Variants in MICAL2 observed in about 807,000 individuals in gnomAD.
MICAL2 encodes the protein microtubule associated monooxygenase, calponin and LIM domain containing 2.
A neutral mutation model predicts 127.3 loss-of-function variants in MICAL2; 77 were observed. The observed-to-expected ratio is 0.60, with a 90% CI of 0.50 to 0.73. The LOEUF (loss-of-function observed/expected upper bound fraction) is 0.73, where lower values mean the gene tolerates loss of function less well. MICAL2 is among the 30% of genes least tolerant of loss of function. MICAL2 has a pLI of 0.00. For missense variants in MICAL2, 1,351 were observed against 1,434.4 expected, an observed-to-expected ratio of 0.94 and a Z score of 0.94; for synonymous variants, 570 against 551.1, an observed-to-expected ratio of 1.03 and a Z score of -0.48.
At chr11:12,356,373 G>A (rs1390349942) in intron 34 of MICAL2, among the ~76,000 whole-genome samples, 1 of 152,122 alleles carries the variant, frequency 6.6e-6, no homozygotes, top group Non-Finnish European at 1.5e-5. Context: ...TCTTTGGGAT[G>A]AAAATGTGCA....
chr11:12,355,518 A>G (rs1237353282), intron 34 of MICAL2, among the ~76,000 whole-genome samples: 2 of 152,346 alleles, frequency 1.3e-5, no homozygotes, highest in African/African-American at 2.4e-5. Flanking sequence ...AGATCGATGC[A>G]TGACCTTCCC....
intron 3 of MICAL2, among the ~76,000 whole-genome samples, chr11:12,163,954 G>A (rs1418841111): frequency 1.3e-5 from 2 of 152,066 alleles, no homozygotes; most frequent in Non-Finnish European, 2.9e-5. Flanking sequence ...CAGAGCTCTG[G>A]TTTTTATTAG....
chr11:12,216,198 T>C (rs368747054), intron 7 of MICAL2, 21 bp from the exon 8 acceptor site: 9 of 1,571,010 alleles, frequency 5.7e-6, no homozygotes, highest in Non-Finnish European at 6.1e-6. Flanking sequence ...ACACTGAGCT[T>C]GTGAATGCTT....
rs367659046 is a variant in MICAL2, at chr11:12,209,478, C to T, written c.590-19C>T. 169 of 1,588,276 alleles carry T rather than the reference C, an allele frequency of 1.1e-4. No individual in the cohort carries two copies. The highest frequency in any genetic ancestry group is 1.3e-4 in the Non-Finnish European group (155 of 1,156,608). On this transcript the variant is annotated intron_variant, in intron 5 of 27. Coordinates refer to ENST00000683283, the MANE Select transcript of MICAL2 (RefSeq NM_001282663.2). ...CCCACCTCTCTCTGCCAACTCATCT[C>T]ATTTCTCTGTCCTGGTAGAAATTGG...
rs201474826 is a variant in MICAL2 at position 12,242,345 on chromosome 11, C to T, written c.2469C>T (p.Phe823=). The T allele has an allele frequency of 3.6e-5, 58 of 1,614,122 alleles. 1 individual carries two copies. The Admixed American group carries it at 5.3e-4, about 15-fold the overall frequency. The part of the protein sequence containing the change: ...SDLQLGGTEN[F]ATLPSTRPRA... Reference sequence around the variant, plus strand: ...TACAGCTGGGTGGGACAGAAAATTTCGCTACCCTGCCTTCTACCCGCCCGA... The same window carrying T: ...TACAGCTGGGTGGGACAGAAAATTTTGCTACCCTGCCTTCTACCCGCCCGA... Residue 823 remains phenylalanine, a synonymous_variant, in exon 19 of 28, where the codon TTC becomes TTT. Transcript: ENST00000683283.
At chr11:12,244,171 G>T (rs1484998161) in intron 21 of MICAL2, 59 bp downstream of exon 21, 9 of 1,601,196 alleles carry the variant, frequency 5.6e-6, no homozygotes, top group Admixed American at 1.7e-5. Flanking sequence ...ATGTTCTCAT[G>T]CTCCACTTGA....
intron 15 of MICAL2, among the ~76,000 whole-genome samples, chr11:12,235,844 A>G (rs1293662834): frequency 3.3e-5 from 5 of 152,078 alleles, no homozygotes; most frequent in African/African-American, 1.2e-4. Context: ...TGCAATGGAG[A>G]TCATCCCTGC....
At chr11:12,340,158 C>T (rs1447852174) in intron 32 of MICAL2, among the ~76,000 whole-genome samples, 19 of 151,858 alleles carry the variant, frequency 1.3e-4, no homozygotes, top group Admixed American at 1.2e-3. Flanking sequence ...AAAAAATAAC[C>T]AAAAAAGAAT....
chr11:12,349,471 CA>C (rs150825182), intron 32 of MICAL2, among the ~76,000 whole-genome samples: 4,012 of 152,182 alleles, frequency 0.026, 162 homozygotes, highest in African/African-American at 0.09. Flanking sequence ...AAATGATGAG[CA>C]GCAGCTAGGG....
At chr11:12,278,529 T>C (rs975443407) in intron 1 of MICAL2, among the ~76,000 whole-genome samples, 1 of 152,210 alleles carries the variant, frequency 6.6e-6, no homozygotes, top group African/African-American at 2.4e-5. Context: ...GACTAAAACA[T>C]CATTATGAAA....
At chr11:12,307,357 A>T (rs570556189) in intron 29 of MICAL2, among the ~76,000 whole-genome samples, 2 of 152,310 alleles carry the variant, frequency 1.3e-5, no homozygotes, top group East Asian at 3.9e-4. Flanking sequence ...TGTTTGCAAC[A>T]TTCTTTCCTA....
chr11:12,126,898 G>A (rs1374620729), intron 1 of MICAL2, among the ~76,000 whole-genome samples: 1 of 152,112 alleles, frequency 6.6e-6, no homozygotes, highest in Non-Finnish European at 1.5e-5. Context: ...GGTGGCGGCA[G>A]CAGCAGCATT....
At chr11:12,264,135 G>A (rs867578867), downstream of MICAL2, among the ~76,000 whole-genome samples, 7 of 152,162 alleles carry the variant, frequency 4.6e-5, no homozygotes, top group South Asian at 4.1e-4. Context: ...ACACCCAAGC[G>A]TGGCTCTACA....
intron 2 of MICAL2, among the ~76,000 whole-genome samples, chr11:12,160,706 C>T (rs911864097): frequency 3.9e-5 from 6 of 152,160 alleles, no homozygotes; most frequent in Admixed American, 2.6e-4. Context: ...TGTTGGACAC[C>T]GCCTGCTCTG....
At chr11:12,137,213 G>A (rs934189445) in intron 1 of MICAL2, among the ~76,000 whole-genome samples, 43 of 152,226 alleles carry the variant, frequency 2.8e-4, no homozygotes, top group African/African-American at 1.0e-3. Flanking sequence ...GATGACGGGC[G>A]GGCAGGGCTG....
At chr11:12,291,036 G>A (rs1256444978), downstream of MICAL2, among the ~76,000 whole-genome samples, 1 of 152,130 alleles carries the variant, frequency 6.6e-6, no homozygotes, top group Non-Finnish European at 1.5e-5. Flanking sequence ...CACCCTGCAG[G>A]AAAATCTGAA....
At chr11:12,125,084 G>T (rs2133499869) in intron 1 of MICAL2, among the ~76,000 whole-genome samples, 1 of 152,326 alleles carries the variant, frequency 6.6e-6, no homozygotes, top group Admixed American at 6.5e-5. Flanking sequence ...CGCTCTCAGG[G>T]TGTCTGATCT....
At chr11:12,280,652 G>A (rs2403610) in intron 1 of MICAL2, among the ~76,000 whole-genome samples, 43,839 of 152,142 alleles carry the variant, frequency 0.29, 7,026 homozygotes, top group East Asian at 0.58. Context: ...TGGGACAAGG[G>A]CCCAGCCTAA....
chr11:12,241,407 G>A (rs944476321), intron 18 of MICAL2, among the ~76,000 whole-genome samples: 1 of 152,208 alleles, frequency 6.6e-6, no homozygotes, highest in African/African-American at 2.4e-5. Flanking sequence ...CGATGGTGCT[G>A]CTAGGGAAAA....
Sources: allele counts gnomAD v4.1 joint callset (sites outside exome capture counted in the v4.1 genomes callset), GRCh38; gene constraint gnomAD v4.1.1; transcripts MANE v1.5; gene names NCBI Gene and HGNC (gene_info 2026-07-23, HGNC 2026-07-21).